The following AKAP6 variants were observed in gnomAD, a reference collection of about 807,000 sequenced individuals.
AKAP6 encodes A-kinase anchor protein 6.
A neutral mutation model predicts 188.5 loss-of-function variants in AKAP6; 58 were observed. That is an observed-to-expected ratio of 0.31 (90% CI 0.25 to 0.38). The LOEUF is 0.38. AKAP6 is among the 10% of genes least tolerant of loss of function. The probability of loss-of-function intolerance (pLI) is 1.00; values close to 1 mark genes in which losing one functional copy is unlikely to be tolerated. For synonymous variants in AKAP6, 989 were observed against 998.6 expected, an observed-to-expected ratio of 0.99 and a Z score of 0.18; for missense variants, 2,710 against 2,740.0, an observed-to-expected ratio of 0.99 and a Z score of 0.24.
intron 3 of AKAP6, among the ~76,000 whole-genome samples, chr14:32,542,870 G>A (rs975194510): frequency 6.6e-6 from 1 of 152,118 alleles, no homozygotes; most frequent in Non-Finnish European, 1.5e-5. Context: ...AAATATTAAA[G>A]CAATATATCT....
chr14:32,338,621 C>G (rs779771147), intron 1 of AKAP6, among the ~76,000 whole-genome samples: 1 of 152,050 alleles, frequency 6.6e-6, no homozygotes, highest in Non-Finnish European at 1.5e-5. Context: ...CACCCTATAC[C>G]TAAACACTGA....
Position 32,822,567 on chromosome 14 carries a change from A to G in AKAP6, c.4754A>G (p.Asn1585Ser), listed in dbSNP as rs140532131. ...TTATTTGGATTGGGCATCTTTAAAAATGGCAGTGACAGCCTCCAGCGAAGC... is the reference window on the plus strand; with the variant it reads ...TTATTTGGATTGGGCATCTTTAAAAGTGGCAGTGACAGCCTCCAGCGAAGC... ...GDLFGLGIFK[N>S]GSDSLQRSTS... Residue 1585 changes from asparagine to serine, a missense_variant, in exon 13 of 14, where the codon AAT becomes AGT. Around this residue, in one of 2 missense-constraint regions of AKAP6, gnomAD observed 2,473 missense variants for 2,426.1 expected, o/e 1.02. Coordinates refer to ENST00000280979, the MANE Select transcript of AKAP6 (RefSeq NM_004274.5). 15 of 1,614,010 alleles carry G rather than the reference A, an allele frequency of 9.3e-6. No individual in the cohort carries two copies. The highest frequency in any genetic ancestry group is 1.3e-5 in the Non-Finnish European group (15 of 1,179,944).
At chr14:32,696,650 C>G (rs1890415285) in intron 9 of AKAP6, among the ~76,000 whole-genome samples, 1 of 152,160 alleles carries the variant, frequency 6.6e-6, no homozygotes. Context: ...TGGCTTGAAA[C>G]TCATGTATTG....
At chr14:32,643,998 TTAA>T (rs1328321153) in intron 7 of AKAP6, among the ~76,000 whole-genome samples, 1 of 152,216 alleles carries the variant, frequency 6.6e-6, no homozygotes, top group African/African-American at 2.4e-5. Context: ...CACTGAAATA[TTAA>T]TGAGTCTTGT....
In AKAP6 at chr14:32,433,714, A is replaced by C. The variant is rs1566499947; in HGVS notation, c.221A>C (p.Glu74Ala). 6.2e-7 allele frequency: 1 copy of C among 1,614,208 alleles called. No homozygotes were observed. The highest frequency in any genetic ancestry group is 8.5e-7 in the Non-Finnish European group (1 of 1,180,038). ...WKIVLHLPEIETWLRMTSERV... is the reference protein window; with the variant it reads ...WKIVLHLPEIATWLRMTSERV... ...ATTGTCCTCCACTTACCTGAAATTG[A>C]GACCTGGCTCCGGATGACCTCAGAG... Residue 74 changes from glutamate to alanine, a missense_variant, in exon 2 of 14, where the codon GAG becomes GCG. By Grantham distance (107) the Glu-to-Ala change is moderately radical. This residue lies in a region of AKAP6 where 237 missense variants were observed against 313.9 expected (regional missense o/e 0.76). Coordinates refer to ENST00000280979, the MANE Select transcript of AKAP6 (RefSeq NM_004274.5).
At chr14:32,747,211 C>T (rs1313715686) in intron 11 of AKAP6, among the ~76,000 whole-genome samples, 2 of 152,142 alleles carry the variant, frequency 1.3e-5, no homozygotes, top group Admixed American at 1.3e-4. Flanking sequence ...CCCAAAACCA[C>T]ATTTAAAGGA....
intron 2 of AKAP6, among the ~76,000 whole-genome samples, chr14:32,440,801 G>C (rs1415971996): frequency 6.6e-6 from 1 of 152,130 alleles, no homozygotes; most frequent in Non-Finnish European, 1.5e-5. Context: ...ATGGGTATGA[G>C]GATGGTAACA....
At chr14:32,800,998 C>G (rs925274367) in intron 12 of AKAP6, among the ~76,000 whole-genome samples, 1 of 152,112 alleles carries the variant, frequency 6.6e-6, no homozygotes, top group Admixed American at 6.6e-5. Flanking sequence ...GCCTGGGCAA[C>G]AGAGTGACAC....
chr14:32,562,574 A>G (rs1294464099), intron 4 of AKAP6, among the ~76,000 whole-genome samples: 1 of 152,152 alleles, frequency 6.6e-6, no homozygotes, highest in Non-Finnish European at 1.5e-5. Flanking sequence ...CCTGGCCAAC[A>G]TGGTGAAACC....
chr14:32,760,670 G>T (rs977967), intron 11 of AKAP6, among the ~76,000 whole-genome samples: 24,184 of 152,000 alleles, frequency 0.16, 3,196 homozygotes, highest in African/African-American at 0.37. Context: ...TTTCCCAGAA[G>T]AAAATAAAAT....
chr14:32,407,349 C>A (rs1286666520), intron 1 of AKAP6, among the ~76,000 whole-genome samples: 2 of 152,180 alleles, frequency 1.3e-5, no homozygotes, highest in Non-Finnish European at 2.9e-5. Context: ...TTAGACAAAC[C>A]ATCCAGTCCC....
intron 1 of AKAP6, among the ~76,000 whole-genome samples, chr14:32,431,525 G>C (rs952840964): frequency 6.6e-6 from 1 of 151,406 alleles, no homozygotes; most frequent in African/African-American, 2.4e-5. Context: ...TTTATTTTTT[G>C]AGACGTAGTT....
At chr14:32,799,984 C>T (rs573886561) in intron 12 of AKAP6, among the ~76,000 whole-genome samples, 46 of 150,094 alleles carry the variant, frequency 3.1e-4, no homozygotes, top group African/African-American at 1.1e-3. Flanking sequence ...CCGAGGTGGG[C>T]GGACTGCTTG....
At chr14:32,385,623 T>C (rs1888507812) in intron 1 of AKAP6, among the ~76,000 whole-genome samples, 1 of 151,564 alleles carries the variant, frequency 6.6e-6, no homozygotes, top group African/African-American at 2.4e-5. Context: ...TGCATCGTCA[T>C]AGCTTTGCAC....
chr14:32,717,578 C>G (rs916608766), intron 9 of AKAP6, among the ~76,000 whole-genome samples: 31 of 151,258 alleles, frequency 2.0e-4, no homozygotes, highest in African/African-American at 7.1e-4. Context: ...ACTTCTTCCT[C>G]CTCTTTACTT....
At chr14:32,483,022 A>G (rs952020418) in intron 2 of AKAP6, among the ~76,000 whole-genome samples, 1 of 62,646 alleles carries the variant, frequency 1.6e-5, no homozygotes, top group African/African-American at 5.2e-5. Context: ...TGTATCTTGC[A>G]TTGGTAATTT....
intron 9 of AKAP6, among the ~76,000 whole-genome samples, chr14:32,699,143 T>C (rs1890524263): frequency 6.6e-6 from 1 of 152,180 alleles, no homozygotes; most frequent in African/African-American, 2.4e-5. Flanking sequence ...TTTAGCTTTT[T>C]CAACATTAGG....
intron 7 of AKAP6, among the ~76,000 whole-genome samples, chr14:32,668,925 A>G (rs1433547040): frequency 6.6e-6 from 1 of 152,012 alleles, no homozygotes; most frequent in Non-Finnish European, 1.5e-5. Context: ...ATTTTTGACA[A>G]GGGAAGATAT....
intron 2 of AKAP6, among the ~76,000 whole-genome samples, chr14:32,490,970 C>T (rs527498771): frequency 5.9e-5 from 9 of 152,212 alleles, no homozygotes; most frequent in African/African-American, 1.7e-4. Flanking sequence ...AATTTTATGT[C>T]GATGCCTCTG....
Sources: allele counts gnomAD v4.1 joint callset (sites outside exome capture counted in the v4.1 genomes callset), GRCh38; gene constraint gnomAD v4.1.1; regional missense constraint gnomAD v4.1.1; transcripts MANE v1.5; gene names NCBI Gene and HGNC (gene_info 2026-07-23, HGNC 2026-07-21).